Variants in TEX10 observed in about 807,000 individuals in gnomAD.
The protein encoded by TEX10 is testis-expressed protein 10.
TEX10 carries 24 observed loss-of-function variants against 104.4 expected under a neutral mutation model. That is an observed-to-expected ratio of 0.23 (90% CI 0.17 to 0.32). The LOEUF (loss-of-function observed/expected upper bound fraction) is 0.32. Ranked by LOEUF, TEX10 falls within the 10% of genes least tolerant of loss-of-function variation. The pLI, the probability that TEX10 is intolerant of heterozygous loss-of-function variation, is 1.00. For synonymous variants in TEX10, 396 were observed against 393.4 expected, an observed-to-expected ratio of 1.01 and a Z score of -0.08; for missense variants, 921 against 1,083.9, an observed-to-expected ratio of 0.85 and a Z score of 2.11.
chr9:100,321,510 T>C (rs1477467940), intron 10 of TEX10, among the ~76,000 whole-genome samples, 173 bp downstream of exon 10: 1 of 152,178 alleles, frequency 6.6e-6, no homozygotes, highest in African/African-American at 2.4e-5. Context: ...ACAGTGTATG[T>C]AGGTTAGAAA....
chr9:100,349,673 T>C (rs1835393492), intron 1 of TEX10, among the ~76,000 whole-genome samples: 1 of 152,302 alleles, frequency 6.6e-6, no homozygotes, highest in Middle Eastern at 3.4e-3. Context: ...TTTTTTTGTT[T>C]TCCTTTGTTC....
chr9:100,328,086 C>A, intron 7 of TEX10, 124 bp from the exon 8 acceptor site: 1 of 670,448 alleles, frequency 1.5e-6, no homozygotes, highest in Non-Finnish European at 2.2e-6. Flanking sequence ...ATCAATAATA[C>A]CACATTTATT....
At chr9:100,326,155 TCTAC>T in intron 9 of TEX10, 143 bp downstream of exon 9, 3 of 778,352 alleles carry the variant, frequency 3.9e-6, no homozygotes, top group Non-Finnish European at 5.9e-6. Flanking sequence ...GTGAACTTAC[TCTAC>T]CTAGTGATAT....
rs1267817144 is a variant in TEX10, at chr9:100,315,551, G to C, written c.2202+4714C>G. Among the ~76,000 whole-genome samples, 3 of 152,078 alleles carry C rather than the reference G, an allele frequency of 2.0e-5. No homozygotes were observed. The East Asian group carries it at 5.8e-4, about 29-fold the overall frequency. Reference sequence around the variant, plus strand: ...GATTTTCTCTGTATTTTTTAAACCTGTTTTTGATTTGAAGTCTGTTTTACC... The same window carrying C: ...GATTTTCTCTGTATTTTTTAAACCTCTTTTTGATTTGAAGTCTGTTTTACC... On this transcript the variant is annotated intron_variant, in intron 11 of 14. Coordinates refer to ENST00000374902, the MANE Select transcript of TEX10 (RefSeq NM_017746.4).
At chr9:100,352,661 T>C in intron 1 of TEX10, 111 bp downstream of exon 1, 2 of 1,424,836 alleles carry the variant, frequency 1.4e-6, no homozygotes, top group Non-Finnish European at 1.8e-6. Context: ...GGGACGCAAA[T>C]CGTGCACGGC....
intron 9 of TEX10, 69 bp downstream of exon 9, chr9:100,326,233 A>G (rs1834701499): frequency 2.0e-6 from 3 of 1,534,502 alleles, no homozygotes; most frequent in Non-Finnish European, 2.6e-6. Context: ...GGCTTCCGTA[A>G]TTCACAAATT....
intron 5 of TEX10, among the ~76,000 whole-genome samples, chr9:100,333,782 A>C (rs1392358255): frequency 6.6e-6 from 1 of 152,204 alleles, no homozygotes; most frequent in African/African-American, 2.4e-5. Flanking sequence ...AACATACATA[A>C]ATTAATGGAA....
intron 8 of TEX10, among the ~76,000 whole-genome samples, chr9:100,327,481 G>A (rs1038794553): frequency 6.6e-6 from 1 of 150,870 alleles, no homozygotes; most frequent in African/African-American, 2.4e-5. Context: ...AAGTAATAAA[G>A]ATATGTCTTG....
chr9:100,320,953 T>G (rs1264304793), intron 10 of TEX10, among the ~76,000 whole-genome samples: 1 of 152,196 alleles, frequency 6.6e-6, no homozygotes, highest in Non-Finnish European at 1.5e-5. Context: ...TGAAAGGTAG[T>G]TCTCAAAATG....
chr9:100,332,561 C>T (rs558419572), intron 5 of TEX10, among the ~76,000 whole-genome samples: 124 of 152,190 alleles, frequency 8.1e-4, no homozygotes, highest in Non-Finnish European at 1.4e-3. Flanking sequence ...GTGGCTCACG[C>T]CTGTAATCCC....
In TEX10 at chr9:100,352,759, G is replaced by T. The variant is rs1014980409; in HGVS notation, c.-10+13C>A. 8.7e-7 allele frequency: 1 copy of T among 1,150,954 alleles called. No individual in the cohort carries two copies. Among genetic ancestry groups the T allele is most frequent in the African/African-American group, 1.6e-5 (1 of 61,340 alleles). The allele number at this position is 1,150,954 out of a possible 1,614,324, so 71.3% of individuals were successfully genotyped here. On this transcript the variant is annotated intron_variant, in intron 1 of 14. Transcript: ENST00000374902. ...CCCGGGAGGACCCGGCCCGACGGGC[G>T]ACGGCCGCTTACCTGAGGACCCGGC...
intron 1 of TEX10, chr9:100,352,475 G>A: frequency 6.4e-7 from 1 of 1,551,370 alleles, no homozygotes; most frequent in Non-Finnish European, 8.7e-7. Flanking sequence ...GCCAGGACCA[G>A]AGTCGGGGAA....
At chr9:100,342,779 G>C (rs1369546624) in intron 4 of TEX10, among the ~76,000 whole-genome samples, 1 of 152,100 alleles carries the variant, frequency 6.6e-6, no homozygotes, top group Non-Finnish European at 1.5e-5. Context: ...TACTGACCCT[G>C]ACACTACTAA....
intron 9 of TEX10, among the ~76,000 whole-genome samples, chr9:100,325,625 G>GT (rs1234410176): frequency 6.6e-6 from 1 of 152,096 alleles, no homozygotes; most frequent in Non-Finnish European, 1.5e-5. Flanking sequence ...CCACCTCCCG[G>GT]GTTCAAGCAA....
chr9:100,332,902 C>G (rs568126653), intron 5 of TEX10, among the ~76,000 whole-genome samples: 1 of 152,210 alleles, frequency 6.6e-6, no homozygotes, highest in African/African-American at 2.4e-5. Flanking sequence ...ACTGCCAGTT[C>G]CAAAGAAAAA....
chr9:100,337,798 G>C (rs1243033501), intron 5 of TEX10, among the ~76,000 whole-genome samples: 3 of 152,082 alleles, frequency 2.0e-5, no homozygotes, highest in African/African-American at 7.2e-5. Context: ...CTCATCCCTT[G>C]CATTTCTGCC....
In TEX10 at chr9:100,346,728, A is replaced by T. The variant is rs756195061; in HGVS notation, c.859T>A (p.Ser287Thr). ...QHIQVYENGG[S>T]QPNVSSQFRL... is the part of the protein sequence containing the mutation. ...AACTGTGAACTGACATTTGGCTGTG[A>T]ACCCCCATTTTCATAAACCTGGATG... Residue 287 changes from serine to threonine, a missense_variant, in exon 3 of 15, where the codon TCA (serine) becomes ACA (threonine). By Grantham distance (58) the Ser-to-Thr change is moderately conservative. Transcript: ENST00000374902. 6.2e-7 allele frequency: 1 copy of T among 1,613,840 alleles called. No individual in the cohort carries two copies. Among genetic ancestry groups the T allele is most frequent in the Non-Finnish European group, 8.5e-7 (1 of 1,179,830 alleles).
intron 11 of TEX10, among the ~76,000 whole-genome samples, chr9:100,316,604 T>C (rs1344442027): frequency 1.3e-5 from 2 of 152,080 alleles, no homozygotes; most frequent in Non-Finnish European, 2.9e-5. Context: ...TGTTTGCTGA[T>C]ATGATTATTT....
In TEX10 at chr9:100,303,541, T is replaced by G. The variant is rs1834066714; in HGVS notation, c.2676+91A>C. 2.9e-6 allele frequency: 4 copies of G among 1,392,844 alleles called. No individual in the cohort carries two copies. In the Admixed American group the frequency reaches 6.9e-5, roughly 24 times the overall value. 86.3% of individuals were successfully genotyped at this position (1,392,844 alleles called of 1,614,324 possible). ...CCTGGACTCAATGTATGGGATCCCTTTCCTCCCTCAAAACACACTTTCCCC... is the reference window on the plus strand; with the variant it reads ...CCTGGACTCAATGTATGGGATCCCTGTCCTCCCTCAAAACACACTTTCCCC... On this transcript the variant is annotated intron_variant, in intron 14 of 14. Transcript: ENST00000374902.
Sources: allele counts gnomAD v4.1 joint callset (sites outside exome capture counted in the v4.1 genomes callset), GRCh38; gene constraint gnomAD v4.1.1; transcripts MANE v1.5; gene names NCBI Gene and HGNC (gene_info 2026-07-23, HGNC 2026-07-21).